Variants in KATNAL1 observed in about 807,000 individuals in gnomAD.
KATNAL1 encodes katanin p60 ATPase-containing subunit A-like 1.
In KATNAL1, 32 loss-of-function variants were observed where a neutral mutation model predicts 55.2. That is an observed-to-expected ratio of 0.58 (90% CI 0.44 to 0.78). The LOEUF is 0.78. Ranked by LOEUF, KATNAL1 falls within the 30% of genes least tolerant of loss-of-function variation. The probability of loss-of-function intolerance (pLI) is 0.00; values close to 1 mark genes in which losing one functional copy is unlikely to be tolerated. For synonymous variants in KATNAL1, 193 were observed against 193.6 expected, an observed-to-expected ratio of 1.00 and a Z score of 0.02; for missense variants, 466 against 600.9, an observed-to-expected ratio of 0.78 and a Z score of 2.35.
intron 6 of KATNAL1, among the ~76,000 whole-genome samples, chr13:30,232,667 G>A (rs1444093865): frequency 6.6e-6 from 1 of 152,070 alleles, no homozygotes; most frequent in Admixed American, 6.6e-5. Flanking sequence ...ACCTCCTATA[G>A]GAGTTAATTT....
chr13:30,212,853 C>T lies in KATNAL1; in HGVS notation c.1148-2411G>A, dbSNP rs180990181. On this transcript the variant is annotated intron_variant, in intron 9 of 10. Coordinates refer to ENST00000380615, the MANE Select transcript of KATNAL1 (RefSeq NM_032116.5). ...AAATTTTTAGGCAACTCCTAACCCCCAGTACTTCAGAATGTGACTGTATTT... is the reference window on the plus strand; with the variant it reads ...AAATTTTTAGGCAACTCCTAACCCCTAGTACTTCAGAATGTGACTGTATTT... 3.5e-4 allele frequency among the ~76,000 whole-genome samples: 53 copies of T among 152,272 alleles called. 1 individual carries two copies. Among genetic ancestry groups the T allele is most frequent in the Non-Finnish European group, 1.5e-5 (1 of 68,014 alleles).
rs1873096411 is a variant in KATNAL1 at position 30,205,924 on chromosome 13, TAG to T, written c.*2614_*2615del. 5.2e-5 allele frequency: 5 copies of T among 96,340 alleles called. No homozygotes were observed. Among genetic ancestry groups the T allele is most frequent in the Admixed American group, 1.1e-4 (1 of 9,042 alleles). The allele number at this position is 96,340 out of a possible 1,614,324, so 6.0% of individuals were successfully genotyped here. On this transcript the variant is annotated 3_prime_UTR_variant, in exon 11 of 11. Transcript: ENST00000380615. Reference sequence around the variant, plus strand: ...TAAGGCAACACACTGTCTTCTGAAATAGTGTGTGTGTGTGTGTGTGTGTGTGT... The same window carrying T: ...TAAGGCAACACACTGTCTTCTGAAATTGTGTGTGTGTGTGTGTGTGTGTGT...
chr13:30,304,549 C>T (rs1039338407), intron 1 of KATNAL1, among the ~76,000 whole-genome samples: 2 of 152,008 alleles, frequency 1.3e-5, no homozygotes, highest in Non-Finnish European at 2.9e-5. Context: ...ATTACAGGCG[C>T]GAGCCACTGC....
At chr13:30,226,542 A>G (rs1350571492) in intron 9 of KATNAL1, among the ~76,000 whole-genome samples, 1 of 152,210 alleles carries the variant, frequency 6.6e-6, no homozygotes, top group Non-Finnish European at 1.5e-5. Flanking sequence ...GAACTAATCT[A>G]TGGTGATAAA....
At chr13:30,248,826 G>A (rs959230662) in intron 4 of KATNAL1, among the ~76,000 whole-genome samples, 57 of 152,188 alleles carry the variant, frequency 3.7e-4, no homozygotes, top group African/African-American at 1.3e-3. Flanking sequence ...TTGGGAGGCC[G>A]AGACGGGTGG....
chr13:30,261,013 C>A (rs1241596474), intron 3 of KATNAL1, among the ~76,000 whole-genome samples: 177 of 151,912 alleles, frequency 1.2e-3, no homozygotes, highest in Non-Finnish European at 1.6e-3. Context: ...AGACTAACAG[C>A]GGATCTCTCG....
intron 1 of KATNAL1, among the ~76,000 whole-genome samples, chr13:30,301,167 A>G (rs1882827643): frequency 6.6e-6 from 1 of 152,236 alleles, no homozygotes; most frequent in South Asian, 2.1e-4. Flanking sequence ...CAGGAGTTCA[A>G]GACCAGCCTG....
intron 3 of KATNAL1, among the ~76,000 whole-genome samples, chr13:30,265,879 G>A (rs1324864531): frequency 6.6e-6 from 1 of 151,416 alleles, no homozygotes; most frequent in South Asian, 2.1e-4. Flanking sequence ...AGGCATGGTG[G>A]CACGTGCCTA....
intron 3 of KATNAL1, among the ~76,000 whole-genome samples, chr13:30,263,039 T>C (rs1016688259): frequency 6.6e-6 from 1 of 152,202 alleles, no homozygotes; most frequent in African/African-American, 2.4e-5. Flanking sequence ...GTGGGCTTCA[T>C]CCCTGGGATG....
chr13:30,236,503 T>A (rs1401918378), intron 6 of KATNAL1, among the ~76,000 whole-genome samples: 1 of 152,230 alleles, frequency 6.6e-6, no homozygotes, highest in Non-Finnish European at 1.5e-5. Context: ...CATTCATTTT[T>A]CACTAACCAA....
chr13:30,205,750 C>CTG lies in KATNAL1; in HGVS notation c.*2788_*2789dup, dbSNP rs143277319. On this transcript the variant is annotated 3_prime_UTR_variant, in exon 11 of 11. Transcript: ENST00000380615. ...AACACACTGTCTTCTGCAATAAAGA[C>CTG]TGTGTGTGTGTGTGTGTGTGTGTGT... 0.062 allele frequency: 8,481 copies of CTG among 137,348 alleles called. 308 individuals are homozygous for CTG. The highest frequency in any genetic ancestry group is 0.1 in the Middle Eastern group (28 of 278). The allele number at this position is 137,348 out of a possible 1,614,324, so 8.5% of individuals were successfully genotyped here.
intron 3 of KATNAL1, among the ~76,000 whole-genome samples, chr13:30,272,966 C>T (rs536418483): frequency 5.9e-5 from 9 of 152,182 alleles, no homozygotes; most frequent in Non-Finnish European, 1.3e-4. Context: ...TCTACAACCA[C>T]ACCCTTACAT....
intron 3 of KATNAL1, among the ~76,000 whole-genome samples, chr13:30,274,903 G>GCACACACACACACA (rs1232536025): frequency 1.1e-5 from 1 of 93,700 alleles, no homozygotes; most frequent in Admixed American, 1.1e-4. Flanking sequence ...GCGCGCGCGC[G>GCACACACACACACA]CGCGCACACA....
At chr13:30,249,726 T>C (rs1878125072) in intron 4 of KATNAL1, among the ~76,000 whole-genome samples, 1 of 152,122 alleles carries the variant, frequency 6.6e-6, no homozygotes, top group Non-Finnish European at 1.5e-5. Flanking sequence ...AAGAGGTAAG[T>C]GGCAAGGATT....
chr13:30,263,518 A>G (rs1473382626), intron 3 of KATNAL1, among the ~76,000 whole-genome samples: 839 of 147,808 alleles, frequency 5.7e-3, no homozygotes, highest in African/African-American at 0.021. Flanking sequence ...CAACTTCAGC[A>G]AAGTCTCAGT....
chr13:30,205,619 TGTGTGTGTGTGTATGTGAGTGTGA>T lies in KATNAL1; in HGVS notation c.*2897_*2920del, dbSNP rs1873034235. On this transcript the variant is annotated 3_prime_UTR_variant, in exon 11 of 11. Coordinates refer to ENST00000380615, the MANE Select transcript of KATNAL1 (RefSeq NM_032116.5). ...CTGCAATAAAGACAGTCAGAGTGTGTGTGTGTGTGTGTATGTGAGTGTGAGTGTGTGTGTGATGTACATTAAAAG... is the reference window on the plus strand; with the variant it reads ...CTGCAATAAAGACAGTCAGAGTGTGTGTGTGTGTGTGATGTACATTAAAAG... 9.9e-6 allele frequency: 1 copy of T among 100,568 alleles called. No homozygotes were observed. The highest frequency in any genetic ancestry group is 6.2e-5 in the African/African-American group (1 of 16,220). The allele number at this position is 100,568 out of a possible 1,614,324, so 6.2% of individuals were successfully genotyped here. A position where few individuals can be genotyped will look rare whatever the true frequency, so the allele number is the denominator to read the frequency against.
chr13:30,208,339 A>T lies in KATNAL1; in HGVS notation c.*201T>A. The T allele has an allele frequency of 2.0e-6, 1 of 512,588 alleles. No individual in the cohort carries two copies. Among genetic ancestry groups the T allele is most frequent in the East Asian group, 3.3e-5 (1 of 30,760 alleles). 31.8% of individuals were successfully genotyped at this position (512,588 alleles called of 1,614,324 possible). On this transcript the variant is annotated 3_prime_UTR_variant, in exon 11 of 11. Coordinates refer to ENST00000380615, the MANE Select transcript of KATNAL1 (RefSeq NM_032116.5). ...AGGAATACGTGGAATACCAGCACAA[A>T]GCCGGGGAGGGAGACTAGCAAACTC...
intron 3 of KATNAL1, among the ~76,000 whole-genome samples, chr13:30,258,219 T>C (rs1015533763): frequency 2.6e-5 from 4 of 152,224 alleles, no homozygotes; most frequent in Non-Finnish European, 5.9e-5. Context: ...ATTCTCCTAT[T>C]TGAGATTTCC....
In KATNAL1 at chr13:30,242,939, A is replaced by T. The variant is rs546983144; in HGVS notation, c.493-1853T>A. The stretch of plus-strand genomic sequence containing the variant: ...AGTTATTCTTCATAAAAAATACTTA[A>T]ATTAGAATACAGACATCAAATATAA... On this transcript the variant is annotated intron_variant, in intron 4 of 10. Transcript: ENST00000380615. 6.6e-5 allele frequency among the ~76,000 whole-genome samples: 10 copies of T among 152,336 alleles called. No homozygotes were observed. In the South Asian group the frequency reaches 1.9e-3, roughly 28 times the overall value.
Sources: gnomAD v4.1 joint callset for allele counts (sites outside exome capture counted in the v4.1 genomes callset) on GRCh38, gnomAD v4.1.1 for gene constraint, MANE v1.5 for transcripts, NCBI Gene and HGNC (gene_info 2026-07-23, HGNC 2026-07-21) for gene names.